The following ARHGAP31 variants were observed in gnomAD, a reference collection of about 807,000 sequenced individuals.
The protein encoded by ARHGAP31 is Rho GTPase activating protein 31.
ARHGAP31 carries 34 observed loss-of-function variants against 113.9 expected under a neutral mutation model. The observed-to-expected ratio is 0.30, with a 90% CI of 0.23 to 0.40. ARHGAP31 has a LOEUF of 0.40. ARHGAP31 is among the 10% of genes least tolerant of loss of function. The probability of loss-of-function intolerance (pLI) is 1.00; values close to 1 mark genes in which losing one functional copy is unlikely to be tolerated. For missense variants in ARHGAP31, 1,548 were observed against 1,767.1 expected, an observed-to-expected ratio of 0.88 and a Z score of 2.22; for synonymous variants, 650 against 684.8, an observed-to-expected ratio of 0.95 and a Z score of 0.79.
chr3:119,310,619 A>G (rs2079671249), intron 1 of ARHGAP31, among the ~76,000 whole-genome samples: 1 of 152,180 alleles, frequency 6.6e-6, no homozygotes, highest in Non-Finnish European at 1.5e-5. Flanking sequence ...CCTTATAAGA[A>G]TCTACCTAAT....
Position 119,367,193 on chromosome 3 carries a change from G to C in ARHGAP31, c.204-1179G>C, listed in dbSNP as rs564266342. Among the ~76,000 whole-genome samples the C allele has an allele frequency of 3.3e-5, 5 of 152,114 alleles. No homozygotes were observed. The South Asian group carries it at 8.3e-4, about 25-fold the overall frequency. On this transcript the variant is annotated intron_variant, in intron 2 of 11. Coordinates refer to ENST00000264245, the MANE Select transcript of ARHGAP31 (RefSeq NM_020754.4). ...AGGGATTTCCCTACCCTTCATTAAG[G>C]GGGTAGGCCCAGAAAACAGGAGAAT...
intron 1 of ARHGAP31, among the ~76,000 whole-genome samples, chr3:119,349,400 A>T (rs759345074): frequency 5.9e-5 from 9 of 152,168 alleles, no homozygotes; most frequent in Non-Finnish European, 1.0e-4. Context: ...TAAAAGCCCT[A>T]GGGAGGACTT....
intron 1 of ARHGAP31, among the ~76,000 whole-genome samples, chr3:119,317,044 G>C (rs951210616): frequency 1.3e-5 from 2 of 152,108 alleles, no homozygotes; most frequent in Non-Finnish European, 2.9e-5. Flanking sequence ...TTTGTTTTGC[G>C]TAAGACATTT....
Position 119,415,780 on chromosome 3 carries a change from A to C in ARHGAP31, c.3851A>C (p.Glu1284Ala). The change falls in exon 12 of 12, where the codon GAG (glutamate) becomes GCG (alanine). Residue 1284 changes from glutamate (E) to alanine (A), a missense_variant. By Grantham distance (107) the Glu-to-Ala change is moderately radical (BLOSUM62 -1). Coordinates refer to ENST00000264245, the MANE Select transcript of ARHGAP31 (RefSeq NM_020754.4). The stretch of plus-strand genomic sequence containing the variant: ...GATGCCACTGCACCCTGCATGTGCG[A>C]GGGACCTACCCTTTCTCCAGAACCA... The part of the protein sequence containing the change: ...PVDATAPCMC[E>A]GPTLSPEPGS... 1 of 1,614,244 alleles carries C rather than the reference A, an allele frequency of 6.2e-7. No individual in the cohort carries two copies. Among genetic ancestry groups the C allele is most frequent in the Non-Finnish European group, 8.5e-7 (1 of 1,180,038 alleles).
intron 11 of ARHGAP31, among the ~76,000 whole-genome samples, chr3:119,413,443 C>A (rs1242700094): frequency 6.6e-6 from 1 of 151,834 alleles, no homozygotes; most frequent in Non-Finnish European, 1.5e-5. Context: ...TTCTAATGAA[C>A]CTGAAGTTAA....
chr3:119,332,604 TTCTCTCTCTCTC>T (rs34228523), intron 1 of ARHGAP31, among the ~76,000 whole-genome samples: 4 of 105,902 alleles, frequency 3.8e-5, no homozygotes, highest in Admixed American at 9.7e-5. Context: ...CTCTCTCTCT[TTCTCTCTCTCTC>T]TCTCTCTCTC....
intron 1 of ARHGAP31, among the ~76,000 whole-genome samples, chr3:119,336,606 C>T (rs951835999): frequency 6.6e-6 from 1 of 152,142 alleles, no homozygotes; most frequent in African/African-American, 2.4e-5. Context: ...GGTCTAAGTT[C>T]TAAACAATTG....
At chr3:119,329,918 T>G in intron 1 of ARHGAP31, 2 of 985,456 alleles carry the variant, frequency 2.0e-6, no homozygotes, top group Non-Finnish European at 2.4e-6. Flanking sequence ...GAAGACCCTG[T>G]CTGGGTAAAC....
At chr3:119,379,766 A>G (rs1319899644) in intron 3 of ARHGAP31, among the ~76,000 whole-genome samples, 1 of 152,188 alleles carries the variant, frequency 6.6e-6, no homozygotes, top group Admixed American at 6.6e-5. Flanking sequence ...TACATATGAA[A>G]AAAACTCATG....
At chr3:119,304,970 C>T (rs539949337) in intron 1 of ARHGAP31, among the ~76,000 whole-genome samples, 3 of 151,824 alleles carry the variant, frequency 2.0e-5, no homozygotes, top group South Asian at 4.2e-4. Flanking sequence ...CTAACTGACC[C>T]TCTGTTTCTT....
intron 1 of ARHGAP31, 139 bp downstream of exon 1, chr3:119,295,143 T>C: frequency 2.6e-6 from 2 of 781,362 alleles, no homozygotes; most frequent in South Asian, 1.6e-5. Flanking sequence ...TTTTTTTCTT[T>C]TTTTTTTTTA....
intron 8 of ARHGAP31, among the ~76,000 whole-genome samples, chr3:119,398,755 T>C (rs550524753): frequency 2.0e-5 from 3 of 152,304 alleles, no homozygotes; most frequent in East Asian, 3.9e-4. Flanking sequence ...TCCAATTCCC[T>C]TGGGCCCTCT....
At chr3:119,309,888 A>G (rs1367675027) in intron 1 of ARHGAP31, among the ~76,000 whole-genome samples, 1 of 151,810 alleles carries the variant, frequency 6.6e-6, no homozygotes, top group East Asian at 1.9e-4. Flanking sequence ...GAGCACTTTG[A>G]GTTAGGTAAT....
intron 2 of ARHGAP31, among the ~76,000 whole-genome samples, chr3:119,367,274 CAGTTGGATGACTA>C (rs1216995883): frequency 6.6e-6 from 1 of 152,094 alleles, no homozygotes; most frequent in Non-Finnish European, 1.5e-5. Flanking sequence ...ACTTTGTCAC[CAGTTGGATGACTA>C]AGTGAATACT....
intron 7 of ARHGAP31, among the ~76,000 whole-genome samples, chr3:119,391,245 A>G (rs2080501547): frequency 6.6e-6 from 1 of 152,204 alleles, no homozygotes; most frequent in Non-Finnish European, 1.5e-5. Context: ...GGAGAGTATT[A>G]TAGGGGTCAC....
At chr3:119,374,233 C>T (rs2080328906) in intron 3 of ARHGAP31, among the ~76,000 whole-genome samples, 1 of 152,126 alleles carries the variant, frequency 6.6e-6, no homozygotes, top group African/African-American at 2.4e-5. Context: ...TAGCATCATC[C>T]ACTTGGAGAT....
intron 1 of ARHGAP31, among the ~76,000 whole-genome samples, chr3:119,331,602 T>C (rs191350435): frequency 6.6e-6 from 1 of 152,188 alleles, no homozygotes; most frequent in Admixed American, 6.6e-5. Flanking sequence ...AAAAACATTC[T>C]GAATCTAATG....
chr3:119,368,184 T>A (rs2080265973), intron 2 of ARHGAP31, among the ~76,000 whole-genome samples, 188 bp from the exon 3 acceptor site: 1 of 152,170 alleles, frequency 6.6e-6, no homozygotes, highest in Non-Finnish European at 1.5e-5. Flanking sequence ...TGCAAGAAGA[T>A]CCAGACCTGA....
intron 11 of ARHGAP31, among the ~76,000 whole-genome samples, chr3:119,410,550 G>T (rs2080706589): frequency 6.6e-6 from 1 of 152,126 alleles, no homozygotes. Context: ...GCTGAGCTAG[G>T]GTCTCTATAA....
Sources: allele counts gnomAD v4.1 joint callset (sites outside exome capture counted in the v4.1 genomes callset), GRCh38; gene constraint gnomAD v4.1.1; transcripts MANE v1.5; gene names NCBI Gene and HGNC (gene_info 2026-07-23, HGNC 2026-07-21).